The following DCAF8L2 variants were observed in gnomAD, a reference collection of about 807,000 sequenced individuals.
DCAF8L2 encodes the protein DDB1 and CUL4 associated factor 8 like 2.
For synonymous variants in DCAF8L2, 200 were observed against 190.9 expected (o/e 1.05, Z -0.39); for missense variants, 430 against 490.7 (o/e 0.88, Z 1.17).
At chrX:27,702,145 G>A (rs765876167) in intron 3 of DCAF8L2, among the ~76,000 whole-genome samples, 9 of 110,645 alleles carry the variant, frequency 8.1e-5, no homozygotes, top group Non-Finnish European at 1.3e-4. Flanking sequence ...GACTGAAACT[G>A]ACTCAAGTAG....
chrX:27,530,913 C>T, the DCAF8L2 span, among the ~76,000 whole-genome samples: 1 of 111,853 alleles, frequency 8.9e-6, no homozygotes, highest in African/African-American at 3.2e-5. Context: ...GAGGGAGAGT[C>T]TTGAAGTCTG....
chrX:27,473,792 A>G, the DCAF8L2 span, among the ~76,000 whole-genome samples: 5 of 111,313 alleles, frequency 4.5e-5, no homozygotes, highest in Admixed American at 4.8e-4. Context: ...TCCAATATCA[A>G]TGTCATGTGT....
At chrX:27,547,540 C>A in the DCAF8L2 span, among the ~76,000 whole-genome samples, 15 of 112,024 alleles carry the variant, frequency 1.3e-4, no homozygotes, top group South Asian at 1.1e-3. Context: ...AGGAAACTTA[C>A]AATCATGGCA....
the DCAF8L2 span, among the ~76,000 whole-genome samples, chrX:27,554,505 C>T: frequency 8.9e-6 from 1 of 111,856 alleles, no homozygotes. Context: ...AGGCCGAAAC[C>T]ATTGTACAAG....
At chrX:27,513,339 A>G in the DCAF8L2 span, among the ~76,000 whole-genome samples, 3 of 111,864 alleles carry the variant, frequency 2.7e-5, no homozygotes, top group Non-Finnish European at 5.6e-5. Context: ...TTTGTAAACT[A>G]TGTATTTGGT....
chrX:27,696,069 C>G (rs930507958), intron 3 of DCAF8L2, among the ~76,000 whole-genome samples: 1 of 107,347 alleles, frequency 9.3e-6, no homozygotes, highest in Non-Finnish European at 1.9e-5. Flanking sequence ...TGTGGTGGCA[C>G]GCACCTGTAA....
intron 2 of DCAF8L2, among the ~76,000 whole-genome samples, chrX:27,636,059 C>T (rs916599540): frequency 9.9e-5 from 11 of 111,071 alleles, no homozygotes; most frequent in African/African-American, 3.3e-4. Context: ...ATGATCTGCC[C>T]GCCAACCGTG....
At chrX:27,698,423 T>C (rs952048195) in intron 3 of DCAF8L2, among the ~76,000 whole-genome samples, 1 of 111,512 alleles carries the variant, frequency 9.0e-6, no homozygotes, top group African/African-American at 3.3e-5. Context: ...AGAGAACTTG[T>C]AGGACTGAAT....
chrX:27,589,626 G>A (rs184136611), upstream of DCAF8L2, among the ~76,000 whole-genome samples: 964 of 111,819 alleles, frequency 8.6e-3, 8 homozygotes, highest in Non-Finnish European at 0.014. Flanking sequence ...CATTTTATTT[G>A]AATTTTATCT....
At chrX:27,674,776 A>G (rs957651518) in intron 2 of DCAF8L2, among the ~76,000 whole-genome samples, 1 of 111,709 alleles carries the variant, frequency 9.0e-6, no homozygotes, top group African/African-American at 3.3e-5. Context: ...CCGCGGTTGT[A>G]GAAAGGTCAA....
At chrX:27,607,178 A>G (rs1227919162) in intron 1 of DCAF8L2, among the ~76,000 whole-genome samples, 2 of 111,962 alleles carry the variant, frequency 1.8e-5, no homozygotes, top group Non-Finnish European at 3.8e-5. Context: ...ATAACAAAAT[A>G]CTATTTTGCT....
intron 2 of DCAF8L2, among the ~76,000 whole-genome samples, chrX:27,672,422 A>T (rs1602720125): frequency 8.9e-6 from 1 of 112,236 alleles, no homozygotes; most frequent in African/African-American, 3.2e-5. Flanking sequence ...CCACTCAAGA[A>T]GATGAAGAAC....
chrX:27,470,241 A>C, the DCAF8L2 span, among the ~76,000 whole-genome samples: 1 of 112,755 alleles, frequency 8.9e-6, no homozygotes, highest in East Asian at 2.8e-4. Flanking sequence ...AGGTGAGAAC[A>C]AATATTCTCT....
Position 27,631,984 on chromosome X carries a change from G to A in DCAF8L2, c.-236G>A, listed in dbSNP as rs1928307471. On this transcript the variant is annotated 5_prime_UTR_variant, in exon 2 of 5. Coordinates refer to ENST00000451261, the MANE Select transcript of DCAF8L2 (RefSeq NM_001353450.2). ...CTAGTTGGTTCCTGTGACAGACCTTGGGAAGCTCAATCTCAGGTAAAGCCT... is the reference window on the plus strand; with the variant it reads ...CTAGTTGGTTCCTGTGACAGACCTTAGGAAGCTCAATCTCAGGTAAAGCCT... 1 of 110,607 alleles carries A rather than the reference G, an allele frequency of 9.0e-6. No individual in the cohort carries two copies. Among genetic ancestry groups the A allele is most frequent in the Non-Finnish European group, 1.9e-5 (1 of 52,962 alleles). The allele number at this position is 110,607 out of a possible 1,213,427, so 9.1% of individuals were successfully genotyped here. A position where few individuals can be genotyped will look rare whatever the true frequency, so the allele number is the denominator to read the frequency against.
chrX:27,520,334 G>A, the DCAF8L2 span, among the ~76,000 whole-genome samples: 5 of 111,711 alleles, frequency 4.5e-5, no homozygotes, highest in African/African-American at 1.6e-4. Flanking sequence ...GAACATTAAC[G>A]TAATCAATGG....
At chrX:27,498,395 T>C in the DCAF8L2 span, among the ~76,000 whole-genome samples, 1 of 112,486 alleles carries the variant, frequency 8.9e-6, no homozygotes, top group Admixed American at 9.4e-5. Context: ...TGAGGTGATA[T>C]CTCATTGTGC....
chrX:27,520,189 A>AT, the DCAF8L2 span, among the ~76,000 whole-genome samples: 1 of 111,771 alleles, frequency 8.9e-6, no homozygotes, highest in Admixed American at 9.6e-5. Context: ...TCCTAATAAT[A>AT]TTTTTTAAAA....
rs7060041 is a variant in DCAF8L2 at position 27,718,703 on chromosome X, C to T, written c.-59+2532C>T. Among the ~76,000 whole-genome samples, 583 of 111,700 alleles carry T rather than the reference C, an allele frequency of 5.2e-3. 3 individuals carry two copies. Among genetic ancestry groups the T allele is most frequent in the African/African-American group, 0.017 (535 of 30,772 alleles). The stretch of plus-strand genomic sequence containing the variant: ...AACACTGCCTGCTTAACTGCTTGAG[C>T]TGCAACATTACTCTTTTCTGGCTTT... On this transcript the variant is annotated intron_variant, in intron 4 of 4. Coordinates refer to ENST00000451261, the MANE Select transcript of DCAF8L2 (RefSeq NM_001353450.2).
intron 1 of DCAF8L2, among the ~76,000 whole-genome samples, chrX:27,596,000 G>A (rs1926340077): frequency 8.9e-6 from 1 of 111,892 alleles, no homozygotes. Context: ...TGGCACCCCA[G>A]CCTGTGCAAC....
Sources: allele counts gnomAD v4.1 joint callset (sites outside exome capture counted in the v4.1 genomes callset), GRCh38; gene constraint gnomAD v4.1.1; transcripts MANE v1.5; gene names NCBI Gene and HGNC (gene_info 2026-07-23, HGNC 2026-07-21).